GPNMB: variants seen among roughly 807,000 people sequenced by gnomAD.
GPNMB encodes the protein glycoprotein nmb, also known as transmembrane glycoprotein NMB.
A neutral mutation model predicts 57.3 loss-of-function variants in GPNMB; 71 were observed. That is an observed-to-expected ratio of 1.24 (90% confidence interval 1.02 to 1.51). The LOEUF (loss-of-function observed/expected upper bound fraction) is 1.51. Ranked by LOEUF, GPNMB falls within the 40% of genes most tolerant of loss-of-function variation. The pLI is 0.00. For synonymous variants in GPNMB, 253 were observed against 263.2 expected, an observed-to-expected ratio of 0.96 and a Z score of 0.38; for missense variants, 677 against 691.9, an observed-to-expected ratio of 0.98 and a Z score of 0.24.
rs754508413 is a variant in GPNMB at position 23,246,845 on chromosome 7, G to A, written c.-13G>A. The A allele has an allele frequency of 3.1e-5, 50 of 1,609,608 alleles. No individual in the cohort carries two copies. Among genetic ancestry groups the A allele is most frequent in the Non-Finnish European group, 3.8e-5 (45 of 1,175,988 alleles). On this transcript the variant is annotated 5_prime_UTR_variant, in exon 1 of 11. It adds an upstream start codon to the 5' untranslated region. Transcript: ENST00000258733. ...AGTTAAACCTTGAGTGCCTGCGTCC[G>A]TGAGAATTCAGCATGGAATGTCTCT...
Position 23,274,281 on chromosome 7 carries a change from G to A in GPNMB, c.*57G>A. The A allele has an allele frequency of 1.5e-6, 2 of 1,315,144 alleles. No homozygotes were observed. Among genetic ancestry groups the A allele is most frequent in the Non-Finnish European group, 2.2e-6 (2 of 925,136 alleles). 81.5% of individuals were successfully genotyped at this position (1,315,144 alleles called of 1,614,324 possible). ...AGTGCCATTGATGTGAGATGTGCTGGAGTGGCTATTAACCTTTTTTTCCTA... is the reference window on the plus strand; with the variant it reads ...AGTGCCATTGATGTGAGATGTGCTGAAGTGGCTATTAACCTTTTTTTCCTA... On this transcript the variant is annotated 3_prime_UTR_variant, in exon 11 of 11. Coordinates refer to ENST00000258733, the MANE Select transcript of GPNMB (RefSeq NM_002510.3).
At chr7:23,251,623 T>C (rs1306329151) in intron 1 of GPNMB, among the ~76,000 whole-genome samples, 2 of 152,222 alleles carry the variant, frequency 1.3e-5, no homozygotes, top group Non-Finnish European at 2.9e-5. Flanking sequence ...TGTGTCCTCA[T>C]AGTTAAATAT....
chr7:23,260,545 G>A lies in GPNMB; in HGVS notation c.790G>A (p.Asp264Asn). 2 of 1,613,650 alleles carry A rather than the reference G, an allele frequency of 1.2e-6. No homozygotes were observed. The highest frequency in any genetic ancestry group is 1.1e-5 in the South Asian group (1 of 91,064). The change falls in exon 6 of 11, where the codon GAT (aspartate) becomes AAT (asparagine). Residue 264 changes from aspartate (D) to asparagine (N), a missense_variant. Asp to Asn is a conservative substitution (Grantham distance 23, BLOSUM62 1). Coordinates refer to ENST00000258733, the MANE Select transcript of GPNMB (RefSeq NM_002510.3). ...TFLKDLPIMF[D>N]VLIHDPSHFL... ...CCTCAAAGATCTCCCCATTATGTTT[G>A]ATGTCCTGATTCATGATCCTAGCCA...
chr7:23,262,361 T>G (rs1395953075), intron 6 of GPNMB, among the ~76,000 whole-genome samples: 2 of 152,144 alleles, frequency 1.3e-5, no homozygotes, highest in Non-Finnish European at 2.9e-5. Flanking sequence ...GAGGATTTCT[T>G]TCCAGATATT....
chr7:23,247,372 C>T (rs1782556598), intron 1 of GPNMB: 1 of 185,160 alleles, frequency 5.4e-6, no homozygotes, highest in South Asian at 1.1e-4. Context: ...GCTATTGCTC[C>T]TCCTGCGGGG....
chr7:23,257,736 T>C (rs1433508443), intron 4 of GPNMB: 1 of 152,222 alleles, frequency 6.6e-6, no homozygotes, highest in Non-Finnish European at 1.5e-5. Context: ...ATTGATTCTT[T>C]AGTTTTTTTA....
At chr7:23,268,969 T>G (rs1341229353) in intron 8 of GPNMB, among the ~76,000 whole-genome samples, 1 of 152,202 alleles carries the variant, frequency 6.6e-6, no homozygotes, top group African/African-American at 2.4e-5. Flanking sequence ...CAAGGACAGA[T>G]GAGTCAAACC....
chr7:23,259,596 GATAA>G (rs1782863929), intron 4 of GPNMB, among the ~76,000 whole-genome samples: 2 of 152,228 alleles, frequency 1.3e-5, no homozygotes, highest in South Asian at 4.1e-4. Context: ...TAGGTTATTG[GATAA>G]ATAATTTTTT....
chr7:23,270,807 C>G (rs1326299368), intron 9 of GPNMB, among the ~76,000 whole-genome samples: 2 of 152,202 alleles, frequency 1.3e-5, no homozygotes, highest in African/African-American at 4.8e-5. Context: ...AAAGGAATTT[C>G]ATTTAGAAAT....
intron 9 of GPNMB, among the ~76,000 whole-genome samples, chr7:23,271,040 A>G (rs1419690964): frequency 6.6e-6 from 1 of 152,230 alleles, no homozygotes; most frequent in African/African-American, 2.4e-5. Flanking sequence ...TGTGGAAGAC[A>G]GTTTTTCCGT....
At chr7:23,259,383 C>T (rs59456419) in intron 4 of GPNMB, among the ~76,000 whole-genome samples, 1,943 of 152,124 alleles carry the variant, frequency 0.013, 38 homozygotes, top group African/African-American at 0.045. Flanking sequence ...GGAGTTTCAC[C>T]ATGTTGGCCA....
At chr7:23,260,226 G>A (rs1782883574) in intron 5 of GPNMB, 88 bp downstream of exon 5, 1 of 1,416,474 alleles carries the variant, frequency 7.1e-7, no homozygotes, top group Non-Finnish European at 9.9e-7. Flanking sequence ...AAGTGTTCGG[G>A]GTTAGGTTAC....
At chr7:23,271,859 G>GT (rs1783214932) in intron 9 of GPNMB, among the ~76,000 whole-genome samples, 2 of 152,090 alleles carry the variant, frequency 1.3e-5, no homozygotes, top group Admixed American at 6.5e-5. Context: ...ATAAATGGCA[G>GT]TTTTAATCCC....
At chr7:23,254,803 A>C (rs1163576015) in intron 3 of GPNMB, among the ~76,000 whole-genome samples, 3 of 152,176 alleles carry the variant, frequency 2.0e-5, no homozygotes, top group African/African-American at 4.8e-5. Flanking sequence ...TAAGCTCTCT[A>C]TCTATGTTAA....
chr7:23,254,445 A>C (rs1201631306), intron 3 of GPNMB, 133 bp downstream of exon 3: 2 of 707,310 alleles, frequency 2.8e-6, no homozygotes, highest in Non-Finnish European at 4.7e-6. Context: ...TGACAGAGAC[A>C]GTGAGTGTGT....
intron 8 of GPNMB, 119 bp downstream of exon 8, chr7:23,268,107 T>G: frequency 1.5e-6 from 1 of 671,096 alleles, no homozygotes; most frequent in Non-Finnish European, 2.7e-6. Context: ...TTGATTTGAA[T>G]TCCTATTTAC....
Position 23,253,404 on chromosome 7 carries a change from A to G in GPNMB, c.168A>G (p.Glu56=). 6.2e-7 allele frequency: 1 copy of G among 1,613,974 alleles called. No individual in the cohort carries two copies. The highest frequency in any genetic ancestry group is 8.5e-7 in the Non-Finnish European group (1 of 1,179,824). ...GWSSDENDWN[E]KLYPVWKRGD... is the part of the protein sequence containing the mutation. ...CTTCTGATGAAAATGACTGGAATGAAAAACTCTACCCAGTGTGGAAGCGGG... is the reference window on the plus strand; with the variant it reads ...CTTCTGATGAAAATGACTGGAATGAGAAACTCTACCCAGTGTGGAAGCGGG... The change falls in exon 2 of 11, where the codon GAA becomes GAG. Residue 56 remains glutamate, a synonymous_variant. Coordinates refer to ENST00000258733, the MANE Select transcript of GPNMB (RefSeq NM_002510.3).
In GPNMB at chr7:23,260,714, C is replaced by T; in HGVS notation, c.959C>T (p.Pro320Leu). 1.2e-6 allele frequency: 2 copies of T among 1,602,070 alleles called. No homozygotes were observed. The highest frequency in any genetic ancestry group is 1.7e-6 in the Non-Finnish European group (2 of 1,171,688). The change falls in exon 6 of 11, where the codon CCA becomes CTA. Residue 320 changes from proline (P) to leucine (L), a missense_variant. Physicochemically the swap from Pro to Leu is moderately conservative, Grantham distance 98. Coordinates refer to ENST00000258733, the MANE Select transcript of GPNMB (RefSeq NM_002510.3). The stretch of plus-strand genomic sequence containing the variant: ...AACCTCACTGTGAAAGCTGCAGCAC[C>T]AGGACCTTGTCCGCCACCGCCACCA... ...SLNLTVKAAA[P>L]GPCPPPPPPP...
chr7:23,261,075 T>C lies in GPNMB; in HGVS notation c.1018+302T>C, dbSNP rs373164120. Among the ~76,000 whole-genome samples, 15 of 152,322 alleles carry C rather than the reference T, an allele frequency of 9.8e-5. No individual in the cohort carries two copies. In the South Asian group the frequency reaches 3.1e-3, roughly 32 times the overall value. ...GTACACACTCTCCCCTCTTCTAACC[T>C]GTCACATTTTTGTTTATCTCCCATT... On this transcript the variant is annotated intron_variant, in intron 6 of 10. Transcript: ENST00000258733.
Sources: gnomAD v4.1 joint callset for allele counts (sites outside exome capture counted in the v4.1 genomes callset) on GRCh38, gnomAD v4.1.1 for gene constraint, MANE v1.5 for transcripts, NCBI Gene and HGNC (gene_info 2026-07-23, HGNC 2026-07-21) for gene names.